MACROD2: variants seen among roughly 807,000 people sequenced by gnomAD.
MACROD2 encodes ADP-ribose glycohydrolase MACROD2.
Under a neutral mutation model 70.4 loss-of-function variants are expected in MACROD2, and 36 were observed. The ratio of observed to expected loss-of-function variants is 0.51; its 90% CI spans 0.39 to 0.68. MACROD2 has a LOEUF of 0.68. Among genes scored for constraint, MACROD2 ranks in the 30% least tolerant of loss-of-function variants. The probability of loss-of-function intolerance (pLI) is 0.00; values close to 1 mark genes in which losing one functional copy is unlikely to be tolerated. For missense variants in MACROD2, 496 were observed against 538.4 expected, an observed-to-expected ratio of 0.92 and a Z score of 0.78; for synonymous variants, 172 against 178.8, an observed-to-expected ratio of 0.96 and a Z score of 0.30.
chr20:14,614,503 G>T (rs1414769505), intron 4 of MACROD2, among the ~76,000 whole-genome samples: 1 of 152,062 alleles, frequency 6.6e-6, no homozygotes, highest in Non-Finnish European at 1.5e-5. Context: ...CGTTGGGAAC[G>T]ATGGCCGTAA....
At chr20:14,709,836 A>C (rs1433600382) in intron 5 of MACROD2, among the ~76,000 whole-genome samples, 1 of 152,180 alleles carries the variant, frequency 6.6e-6, no homozygotes, top group Non-Finnish European at 1.5e-5. Context: ...TGTTAAATTG[A>C]GTTTTCTGGA....
intron 12 of MACROD2, among the ~76,000 whole-genome samples, chr20:15,948,228 T>G (rs2065852284): frequency 6.6e-6 from 1 of 151,692 alleles, no homozygotes; most frequent in African/African-American, 2.4e-5. Flanking sequence ...AAATGCTAAT[T>G]AGGCTAAAAC....
intron 8 of MACROD2, among the ~76,000 whole-genome samples, chr20:15,559,226 C>CAAAA (rs148608040): frequency 1.4e-4 from 6 of 43,242 alleles, no homozygotes; most frequent in Non-Finnish European, 2.4e-4. Flanking sequence ...AACTCCGTCT[C>CAAAA]AAAAAAAAAA....
At chr20:15,700,215 C>T (rs1408041809) in intron 8 of MACROD2, among the ~76,000 whole-genome samples, 1 of 152,188 alleles carries the variant, frequency 6.6e-6, no homozygotes, top group Non-Finnish European at 1.5e-5. Context: ...CAATGCAAGC[C>T]TCTGCATGCT....
intron 12 of MACROD2, among the ~76,000 whole-genome samples, chr20:15,950,804 G>T (rs2281418): frequency 2.0e-5 from 3 of 152,080 alleles, no homozygotes; most frequent in African/African-American, 7.3e-5. Context: ...AAAGTTAAGT[G>T]GTTTTTCTGT....
At chr20:14,415,962 A>AT (rs11481895) in intron 3 of MACROD2, among the ~76,000 whole-genome samples, 43,737 of 140,152 alleles carry the variant, frequency 0.31, 6,999 homozygotes, top group South Asian at 0.58. Flanking sequence ...GTTGTCCTCT[A>AT]TTTTTTTTTT....
chr20:14,325,994 G>A (rs1031673015), intron 3 of MACROD2: 5 of 1,613,910 alleles, frequency 3.1e-6, no homozygotes, highest in Non-Finnish European at 4.2e-6. Flanking sequence ...TTGTACATTC[G>A]AAGGGGTGCA....
At chr20:15,289,829 T>C (rs1226914207) in intron 6 of MACROD2, among the ~76,000 whole-genome samples, 7 of 152,182 alleles carry the variant, frequency 4.6e-5, no homozygotes, top group Admixed American at 4.6e-4. Context: ...GCCTGCTGTG[T>C]ACTGGGTACT....
intron 5 of MACROD2, among the ~76,000 whole-genome samples, chr20:15,173,016 A>T (rs912511722): frequency 2.0e-5 from 3 of 152,196 alleles, no homozygotes; most frequent in African/African-American, 7.2e-5. Flanking sequence ...TAATTAAAAA[A>T]TATAACGTGA....
chr20:15,420,234 GA>G (rs769845649), intron 6 of MACROD2, among the ~76,000 whole-genome samples: 31 of 152,184 alleles, frequency 2.0e-4, no homozygotes, highest in Non-Finnish European at 2.9e-4. Flanking sequence ...AAGTTTGAAA[GA>G]GGGCTGCTAC....
intron 13 of MACROD2, among the ~76,000 whole-genome samples, chr20:15,969,410 A>G (rs1213767535): frequency 6.6e-6 from 1 of 152,200 alleles, no homozygotes; most frequent in Non-Finnish European, 1.5e-5. Context: ...AGTTATGAAC[A>G]CAAAGTATTA....
At chr20:15,374,881 A>G (rs1465818191) in intron 6 of MACROD2, among the ~76,000 whole-genome samples, 1 of 152,204 alleles carries the variant, frequency 6.6e-6, no homozygotes, top group Admixed American at 6.5e-5. Context: ...TGTTAGTCAC[A>G]TAAAATTCAT....
intron 8 of MACROD2, among the ~76,000 whole-genome samples, chr20:15,784,849 A>G (rs908036771): frequency 6.6e-6 from 1 of 152,060 alleles, no homozygotes; most frequent in Non-Finnish European, 1.5e-5. Context: ...ATTATTTTCT[A>G]TTAAAAATCA....
At chr20:15,329,650 G>A (rs2077970933) in intron 6 of MACROD2, among the ~76,000 whole-genome samples, 1 of 152,116 alleles carries the variant, frequency 6.6e-6, no homozygotes, top group East Asian at 1.9e-4. Flanking sequence ...ACAAAATCTT[G>A]AAGTGAATTC....
intron 3 of MACROD2, among the ~76,000 whole-genome samples, chr20:14,096,765 CT>C (rs1401257713): frequency 2.0e-5 from 3 of 152,204 alleles, no homozygotes; most frequent in Non-Finnish European, 4.4e-5. Flanking sequence ...GGTCCCTTAT[CT>C]TAACATTGCA....
intron 6 of MACROD2, among the ~76,000 whole-genome samples, chr20:15,360,689 T>C (rs1240791619): frequency 1.3e-5 from 2 of 152,146 alleles, no homozygotes. Context: ...CCTTCAGCAA[T>C]GCATAAAAGG....
At chr20:15,977,303 T>C (rs932077810) in intron 13 of MACROD2, among the ~76,000 whole-genome samples, 1 of 152,178 alleles carries the variant, frequency 6.6e-6, no homozygotes, top group Non-Finnish European at 1.5e-5. Flanking sequence ...CAAACGTCAA[T>C]GTGACTGGAA....
chr20:14,103,494 AAC>A (rs1259565776), intron 3 of MACROD2, among the ~76,000 whole-genome samples: 1 of 152,090 alleles, frequency 6.6e-6, no homozygotes, highest in African/African-American at 2.4e-5. Context: ...TAAAAAAGAG[AAC>A]AGTTTTTTTT....
At chr20:14,876,722 A>G (rs578046728) in intron 5 of MACROD2, among the ~76,000 whole-genome samples, 1 of 152,198 alleles carries the variant, frequency 6.6e-6, no homozygotes, top group African/African-American at 2.4e-5. Flanking sequence ...TCGGTAGGGA[A>G]TCCTTTCTCT....
Sources: allele counts gnomAD v4.1 joint callset (sites outside exome capture counted in the v4.1 genomes callset), GRCh38; gene constraint gnomAD v4.1.1; transcripts MANE v1.5; gene names NCBI Gene and HGNC (gene_info 2026-07-23, HGNC 2026-07-21).